Variants in ARHGAP12 observed in about 807,000 individuals in gnomAD.
ARHGAP12 encodes the protein rho GTPase-activating protein 12.
ARHGAP12 carries 64 observed loss-of-function variants against 108.6 expected under a neutral mutation model. That is an observed-to-expected ratio of 0.59 (90% CI 0.48 to 0.73). The LOEUF (loss-of-function observed/expected upper bound fraction) is 0.73. ARHGAP12 is among the 30% of genes least tolerant of loss of function. ARHGAP12 has a pLI of 0.00. For synonymous variants in ARHGAP12, 312 were observed against 337.2 expected (o/e 0.93, Z 0.82); for missense variants, 940 against 1,005.9 (o/e 0.93, Z 0.89).
At chr10:31,850,529 G>T (rs1200286188) in intron 6 of ARHGAP12, among the ~76,000 whole-genome samples, 4 of 151,880 alleles carry the variant, frequency 2.6e-5, no homozygotes, top group Admixed American at 2.6e-4. Flanking sequence ...TTTATAAACG[G>T]TACCAATTTT....
rs987778749 is a variant in ARHGAP12 at position 31,859,887 on chromosome 10, C to T, written c.948+1508G>A. 4.6e-5 allele frequency among the ~76,000 whole-genome samples: 7 copies of T among 151,874 alleles called. No homozygotes were observed. The East Asian group carries it at 5.8e-4, about 13-fold the overall frequency. On this transcript the variant is annotated intron_variant, in intron 4 of 19. Transcript: ENST00000344936. ...TCGGCTCACTGCAGTCTCCACCTCC[C>T]GGGTTCAAGCGATTCTCCTGCCTCT...
chr10:31,910,438 C>G (rs1839294817), intron 2 of ARHGAP12, 87 bp downstream of exon 2: 1 of 152,082 alleles, frequency 6.6e-6, no homozygotes, highest in Admixed American at 6.6e-5. Flanking sequence ...GTCACTGATA[C>G]AATTTTGTTA....
intron 3 of ARHGAP12, among the ~76,000 whole-genome samples, chr10:31,887,501 A>G (rs748100970): frequency 3.9e-5 from 6 of 152,148 alleles, no homozygotes; most frequent in Non-Finnish European, 7.4e-5. Flanking sequence ...TTCACTATAC[A>G]ATAGGTTATT....
At chr10:31,862,290 T>C (rs1329785166) in intron 3 of ARHGAP12, among the ~76,000 whole-genome samples, 2 of 152,230 alleles carry the variant, frequency 1.3e-5, no homozygotes, top group African/African-American at 4.8e-5. Flanking sequence ...AATCTCTTCC[T>C]AGCTTCCTTA....
intron 1 of ARHGAP12, among the ~76,000 whole-genome samples, chr10:31,924,468 TAGAG>T (rs1188938159): frequency 1.3e-5 from 2 of 152,138 alleles, no homozygotes; most frequent in Non-Finnish European, 2.9e-5. Context: ...AAAGCTGTAA[TAGAG>T]AAATACAAAT....
At chr10:31,843,626 T>C in intron 6 of ARHGAP12, 40 bp from the exon 7 acceptor site, 5 of 1,538,102 alleles carry the variant, frequency 3.3e-6, no homozygotes, top group Non-Finnish European at 4.3e-6. Flanking sequence ...AAACAGTTCA[T>C]AAACAATAGA....
chr10:31,822,420 T>C (rs545035605), intron 11 of ARHGAP12, among the ~76,000 whole-genome samples: 3 of 152,148 alleles, frequency 2.0e-5, no homozygotes, highest in South Asian at 2.1e-4. Context: ...AACAGCAAAA[T>C]GACACACAAG....
intron 3 of ARHGAP12, among the ~76,000 whole-genome samples, chr10:31,884,333 A>G (rs1194568607): frequency 6.6e-6 from 1 of 152,060 alleles, no homozygotes. Context: ...CCAAAAAAAA[A>G]AACGGCACAG....
intron 4 of ARHGAP12, among the ~76,000 whole-genome samples, chr10:31,857,624 G>A (rs1057195446): frequency 6.6e-6 from 1 of 152,056 alleles, no homozygotes; most frequent in African/African-American, 2.4e-5. Flanking sequence ...CCTTTACCCA[G>A]CTACATCACA....
chr10:31,869,755 T>C (rs949502214), intron 3 of ARHGAP12, among the ~76,000 whole-genome samples: 2 of 152,176 alleles, frequency 1.3e-5, no homozygotes, highest in Admixed American at 6.5e-5. Context: ...AAAGAAAAAT[T>C]GGGGAACCAT....
intron 5 of ARHGAP12, among the ~76,000 whole-genome samples, chr10:31,852,962 C>T (rs1018843945): frequency 3.3e-5 from 5 of 151,942 alleles, no homozygotes; most frequent in African/African-American, 9.7e-5. Context: ...TCCTGACCTC[C>T]GGTGATCCGC....
intron 3 of ARHGAP12, among the ~76,000 whole-genome samples, chr10:31,878,218 AAAAG>A (rs1837808629): frequency 6.6e-6 from 1 of 152,210 alleles, no homozygotes; most frequent in South Asian, 2.1e-4. Flanking sequence ...AATAAGTTGA[AAAAG>A]AAAGCAGAAA....
In ARHGAP12 at chr10:31,843,444, A is replaced by C; in HGVS notation, c.1296+17T>G. 1 of 1,606,006 alleles carries C rather than the reference A, an allele frequency of 6.2e-7. No homozygotes were observed. Among genetic ancestry groups the C allele is most frequent in the Non-Finnish European group, 8.5e-7 (1 of 1,177,672 alleles). ...AATATAATGCAAAGAACTTGCCAAA[A>C]ATCTCAACAGTCCTACCTTATCATT... On this transcript the variant is annotated intron_variant, in intron 7 of 19. Transcript: ENST00000344936.
chr10:31,879,139 A>G (rs12255811), intron 3 of ARHGAP12, among the ~76,000 whole-genome samples: 7,824 of 152,298 alleles, frequency 0.051, 668 homozygotes, highest in African/African-American at 0.18. Context: ...GGCCAAGTGC[A>G]GTGGCTCATA....
chr10:31,833,854 G>A (rs1835919646), intron 9 of ARHGAP12, among the ~76,000 whole-genome samples: 1 of 152,152 alleles, frequency 6.6e-6, no homozygotes, highest in African/African-American at 2.4e-5. Flanking sequence ...ATATTTGAAG[G>A]ATTTTAAATT....
intron 9 of ARHGAP12, among the ~76,000 whole-genome samples, chr10:31,838,460 T>C (rs1039216635): frequency 7.2e-5 from 11 of 152,052 alleles, no homozygotes; most frequent in Non-Finnish European, 1.3e-4. Context: ...GGCAGGCATA[T>C]CACTTGAGGC....
At chr10:31,891,119 C>T (rs909622846) in intron 3 of ARHGAP12, among the ~76,000 whole-genome samples, 1 of 152,052 alleles carries the variant, frequency 6.6e-6, no homozygotes, top group Non-Finnish European at 1.5e-5. Context: ...TTTTGTGAAC[C>T]CATTATACTA....
At chr10:31,828,448 C>T (rs551736503) in intron 10 of ARHGAP12, among the ~76,000 whole-genome samples, 98 of 152,096 alleles carry the variant, frequency 6.4e-4, no homozygotes, top group African/African-American at 2.3e-3. Context: ...TTTGTAAATT[C>T]ATTTTATATT....
At chr10:31,866,420 T>C (rs1430713430) in intron 3 of ARHGAP12, among the ~76,000 whole-genome samples, 1 of 152,004 alleles carries the variant, frequency 6.6e-6, no homozygotes, top group East Asian at 1.9e-4. Flanking sequence ...CTGTAATCTT[T>C]GAGAGAAACA....
Sources: gnomAD v4.1 joint callset for allele counts (sites outside exome capture counted in the v4.1 genomes callset) on GRCh38, gnomAD v4.1.1 for gene constraint, MANE v1.5 for transcripts, NCBI Gene and HGNC (gene_info 2026-07-23, HGNC 2026-07-21) for gene names.